The following BACH2 variants were observed in gnomAD, a reference collection of about 807,000 sequenced individuals.
The protein encoded by BACH2 is transcription regulator protein BACH2.
A neutral mutation model predicts 61.8 loss-of-function variants in BACH2; 5 were observed. That is an observed-to-expected ratio of 0.08 (90% confidence interval 0.04 to 0.17). BACH2 has a LOEUF of 0.17. Among genes scored for constraint, BACH2 ranks in the 10% least tolerant of loss-of-function variants. The probability of loss-of-function intolerance (pLI) is 1.00; values close to 1 mark genes in which losing one functional copy is unlikely to be tolerated. For synonymous variants in BACH2, 446 were observed against 440.1 expected, an observed-to-expected ratio of 1.01 and a Z score of -0.17; for missense variants, 824 against 1,091.1, an observed-to-expected ratio of 0.76 and a Z score of 3.45.
At chr6:90,212,561 C>T (rs1769392873) in intron 3 of BACH2, among the ~76,000 whole-genome samples, 1 of 152,158 alleles carries the variant, frequency 6.6e-6, no homozygotes, top group African/African-American at 2.4e-5. Context: ...TGCTTTGCTC[C>T]CCTGTGCGCT....
intron 2 of BACH2, among the ~76,000 whole-genome samples, chr6:90,266,827 T>C (rs1342495439): frequency 1.3e-5 from 2 of 152,110 alleles, no homozygotes; most frequent in South Asian, 4.1e-4. Flanking sequence ...CAGAACTGGA[T>C]AGAGGTCCCA....
chr6:90,256,097 T>G (rs1770969209), intron 2 of BACH2, among the ~76,000 whole-genome samples: 1 of 152,144 alleles, frequency 6.6e-6, no homozygotes, highest in Admixed American at 6.5e-5. Context: ...GAACTCAATG[T>G]TGAAGCTCCT....
At chr6:90,179,361 C>T (rs1189878048) in intron 4 of BACH2, among the ~76,000 whole-genome samples, 1 of 152,166 alleles carries the variant, frequency 6.6e-6, no homozygotes, top group Non-Finnish European at 1.5e-5. Context: ...CTAAAAGGGG[C>T]TGGGGTGCTA....
chr6:90,106,706 C>T (rs1782935305), intron 4 of BACH2, among the ~76,000 whole-genome samples: 1 of 152,192 alleles, frequency 6.6e-6, no homozygotes, highest in Non-Finnish European at 1.5e-5. Flanking sequence ...GTCTTGACCA[C>T]CAAGTGGGTG....
Position 90,062,924 on chromosome 6 carries a change from ATC to A in BACH2, c.-13+26035_-13+26036del, listed in dbSNP as rs1042150589. 5.1e-6 allele frequency: 5 copies of A among 985,254 alleles called. No homozygotes were observed. In the African/African-American group the frequency reaches 8.7e-5, roughly 17 times the overall value. 61.0% of individuals were successfully genotyped at this position (985,254 alleles called of 1,614,324 possible). ...CTTGAACACATTCCAGTTCCTGCTGATCTGAGAAGTCTCTTCCACTTGCGTTT... is the reference window on the plus strand; with the variant it reads ...CTTGAACACATTCCAGTTCCTGCTGATGAGAAGTCTCTTCCACTTGCGTTT... On this transcript the variant is annotated intron_variant, in intron 5 of 8. Coordinates refer to ENST00000257749, the MANE Select transcript of BACH2 (RefSeq NM_021813.4).
intron 5 of BACH2, among the ~76,000 whole-genome samples, chr6:90,074,714 T>G (rs184237837): frequency 1.3e-5 from 2 of 152,128 alleles, no homozygotes; most frequent in Admixed American, 6.6e-5. Context: ...GAGAACATAA[T>G]CAGATGGGAG....
intron 5 of BACH2, among the ~76,000 whole-genome samples, chr6:90,070,430 C>A (rs1781170847): frequency 6.6e-6 from 1 of 152,164 alleles, no homozygotes; most frequent in Non-Finnish European, 1.5e-5. Context: ...TCACCCCATC[C>A]TCAGCTTTAT....
chr6:89,940,957 C>A (rs954230457), intron 7 of BACH2, among the ~76,000 whole-genome samples: 1 of 151,812 alleles, frequency 6.6e-6, no homozygotes, highest in African/African-American at 2.4e-5. Context: ...CAGCCACGTG[C>A]AGCATGAGGC....
At chr6:89,971,078 A>T (rs912812176) in intron 6 of BACH2, among the ~76,000 whole-genome samples, 10 of 152,242 alleles carry the variant, frequency 6.6e-5, no homozygotes, top group African/African-American at 2.4e-4. Flanking sequence ...TGATATCATT[A>T]CTTTATGAAC....
intron 4 of BACH2, among the ~76,000 whole-genome samples, chr6:90,172,791 G>A (rs750505496): frequency 9.2e-5 from 14 of 151,930 alleles, no homozygotes; most frequent in Non-Finnish European, 1.9e-4. Flanking sequence ...AAGAAGAAAT[G>A]GTGAGAAAAG....
At chr6:90,042,945 T>A (rs931968326) in intron 5 of BACH2, among the ~76,000 whole-genome samples, 2 of 152,056 alleles carry the variant, frequency 1.3e-5, no homozygotes, top group Non-Finnish European at 2.9e-5. Context: ...AGCATAAGAG[T>A]GGCAACCACG....
At chr6:90,257,568 C>T (rs530062458) in intron 2 of BACH2, among the ~76,000 whole-genome samples, 16 of 152,132 alleles carry the variant, frequency 1.1e-4, no homozygotes, top group African/African-American at 3.1e-4. Context: ...TCAGGTAATT[C>T]GTTTGTTCTT....
chr6:90,048,599 G>A (rs1396478174), intron 5 of BACH2, among the ~76,000 whole-genome samples: 1 of 152,146 alleles, frequency 6.6e-6, no homozygotes, highest in Non-Finnish European at 1.5e-5. Flanking sequence ...GGGAATTGAG[G>A]GTTGAGGTAA....
At chr6:89,998,776 T>G (rs1476632445) in intron 6 of BACH2, among the ~76,000 whole-genome samples, 2 of 152,140 alleles carry the variant, frequency 1.3e-5, no homozygotes, top group Non-Finnish European at 2.9e-5. Flanking sequence ...ATCAATTTCC[T>G]GGCTTACAGC....
At chr6:90,085,013 T>C (rs759776408) in intron 5 of BACH2, among the ~76,000 whole-genome samples, 8 of 152,038 alleles carry the variant, frequency 5.3e-5, no homozygotes, top group Non-Finnish European at 1.2e-4. Context: ...AAGCCAAATT[T>C]CTAGAAATGT....
intron 5 of BACH2, among the ~76,000 whole-genome samples, chr6:90,045,721 C>T (rs1442417734): frequency 3.9e-5 from 6 of 152,178 alleles, no homozygotes; most frequent in African/African-American, 1.4e-4. Context: ...GGACTCTCAT[C>T]CCATGTAAAA....
At chr6:90,232,001 G>C (rs206911) in intron 3 of BACH2, among the ~76,000 whole-genome samples, 114,735 of 151,896 alleles carry the variant, frequency 0.76, 44,565 homozygotes, top group African/African-American at 0.94. Context: ...GAGAGAGAGA[G>C]AGAGAGAGAG....
chr6:90,161,840 A>T (rs1277369787), intron 4 of BACH2, among the ~76,000 whole-genome samples: 1 of 152,212 alleles, frequency 6.6e-6, no homozygotes, highest in Admixed American at 6.5e-5. Flanking sequence ...AGAAGGCACC[A>T]TTCAAATAGA....
At chr6:90,087,832 T>C (rs1782002249) in intron 5 of BACH2, among the ~76,000 whole-genome samples, 1 of 152,102 alleles carries the variant, frequency 6.6e-6, no homozygotes, top group Non-Finnish European at 1.5e-5. Flanking sequence ...GAGCACGTCA[T>C]GGAGAATGGG....
Sources: gnomAD v4.1 joint callset for allele counts (sites outside exome capture counted in the v4.1 genomes callset) on GRCh38, gnomAD v4.1.1 for gene constraint, MANE v1.5 for transcripts, NCBI Gene and HGNC (gene_info 2026-07-23, HGNC 2026-07-21) for gene names.